Variants in ARHGAP28 observed in about 807,000 individuals in gnomAD.
ARHGAP28 encodes Rho GTPase activating protein 28.
ARHGAP28 carries 56 observed loss-of-function variants against 90.7 expected under a neutral mutation model. The ratio of observed to expected loss-of-function variants is 0.62; its 90% CI spans 0.50 to 0.77. The LOEUF (loss-of-function observed/expected upper bound fraction) is 0.77. ARHGAP28 is among the 30% of genes least tolerant of loss of function. The pLI is 0.00. For missense variants in ARHGAP28, 869 were observed against 900.9 expected (o/e 0.96, Z 0.45); for synonymous variants, 308 against 323.3 (o/e 0.95, Z 0.51).
intron 4 of ARHGAP28, among the ~76,000 whole-genome samples, chr18:6,856,030 A>AAGTGGGCGGAATGAACCC (rs529843682): frequency 6.6e-6 from 1 of 152,216 alleles, no homozygotes; most frequent in East Asian, 1.9e-4. Context: ...CTGCTGGGCC[A>AAGTGGGCGGAATGAACCC]AGTGGGCGGA....
chr18:6,824,979 T>C lies in ARHGAP28; in HGVS notation c.325+15T>C. The C allele has an allele frequency of 6.6e-7, 1 of 1,525,522 alleles. No individual in the cohort carries two copies. Among genetic ancestry groups the C allele is most frequent in the South Asian group, 1.2e-5 (1 of 82,580 alleles). The allele number at this position is 1,525,522 out of a possible 1,614,324, so 94.5% of individuals were successfully genotyped here. On this transcript the variant is annotated intron_variant, in intron 2 of 17. Coordinates refer to ENST00000383472, the MANE Select transcript of ARHGAP28 (RefSeq NM_001366230.1). ...ACCTGTGGATGGTAAGTTGCTGGATTTGTCTTCCTATGTGCTGACTGGCTT... is the reference window on the plus strand; with the variant it reads ...ACCTGTGGATGGTAAGTTGCTGGATCTGTCTTCCTATGTGCTGACTGGCTT...
At chr18:6,864,612 C>T (rs118052457) in intron 5 of ARHGAP28, among the ~76,000 whole-genome samples, 50 of 151,956 alleles carry the variant, frequency 3.3e-4, no homozygotes, top group Non-Finnish European at 5.7e-4. Flanking sequence ...AAAATGTGTG[C>T]GTTATATCTT....
chr18:6,845,782 C>T (rs1290339658), intron 3 of ARHGAP28, among the ~76,000 whole-genome samples: 1 of 152,170 alleles, frequency 6.6e-6, no homozygotes, highest in Non-Finnish European at 1.5e-5. Flanking sequence ...GCATAGTATT[C>T]CATGGTATAT....
intron 14 of ARHGAP28, among the ~76,000 whole-genome samples, chr18:6,892,513 T>C (rs2057274042): frequency 6.6e-6 from 1 of 152,222 alleles, no homozygotes; most frequent in Non-Finnish European, 1.5e-5. Flanking sequence ...AAACTGTTGC[T>C]TTTTCTCCTT....
chr18:6,773,101 T>C (rs2056256769), intron 1 of ARHGAP28, among the ~76,000 whole-genome samples: 1 of 152,226 alleles, frequency 6.6e-6, no homozygotes, highest in Non-Finnish European at 1.5e-5. Flanking sequence ...TGTTTGAGTT[T>C]TACCTTGTGT....
In ARHGAP28 at chr18:6,824,899, G is replaced by T. The variant is rs778147653; in HGVS notation, c.260G>T (p.Ser87Ile). The T allele has an allele frequency of 3.8e-5, 58 of 1,535,976 alleles. No homozygotes were observed. Among genetic ancestry groups the T allele is most frequent in the Non-Finnish European group, 4.4e-5 (50 of 1,146,902 alleles). ...SMEDFWREIE[S>I]IKDSSMGGQE... ...GAGGATTTCTGGCGGGAAATAGAAA[G>T]TATTAAAGACAGCAGCATGGGAGGG... The change falls in exon 2 of 18, where the codon AGT (serine) becomes ATT (isoleucine). Residue 87 changes from serine (S) to isoleucine (I), a missense_variant. By Grantham distance (142) the Ser-to-Ile change is moderately radical (BLOSUM62 -2). Coordinates refer to ENST00000383472, the MANE Select transcript of ARHGAP28 (RefSeq NM_001366230.1).
At chr18:6,841,193 C>CCTCTT (rs1567966720) in intron 3 of ARHGAP28, among the ~76,000 whole-genome samples, 2 of 61,298 alleles carry the variant, frequency 3.3e-5, no homozygotes. Flanking sequence ...CTCTCTCTCT[C>CCTCTT]TCTCTCTCTC....
At chr18:6,835,376 T>A (rs2056745675) in intron 2 of ARHGAP28, among the ~76,000 whole-genome samples, 1 of 152,246 alleles carries the variant, frequency 6.6e-6, no homozygotes. Flanking sequence ...GCTTACTACT[T>A]AGATTACGGC....
chr18:6,828,958 T>C (rs929615533), intron 2 of ARHGAP28, among the ~76,000 whole-genome samples: 17 of 152,234 alleles, frequency 1.1e-4, no homozygotes, highest in African/African-American at 4.1e-4. Flanking sequence ...ACTGAAACTT[T>C]AGAAAGTATT....
At chr18:6,780,437 T>G (rs1028425655) in intron 1 of ARHGAP28, among the ~76,000 whole-genome samples, 1 of 152,168 alleles carries the variant, frequency 6.6e-6, no homozygotes, top group African/African-American at 2.4e-5. Context: ...GTTGGGAGGA[T>G]GTGCTTAAGT....
At chr18:6,855,310 C>A (rs2056944198) in intron 4 of ARHGAP28, among the ~76,000 whole-genome samples, 1 of 152,142 alleles carries the variant, frequency 6.6e-6, no homozygotes, top group Non-Finnish European at 1.5e-5. Flanking sequence ...CCGCCCATGG[C>A]CGCTCATGGA....
intron 1 of ARHGAP28, among the ~76,000 whole-genome samples, chr18:6,743,339 T>C (rs967114772): frequency 6.6e-6 from 1 of 152,202 alleles, no homozygotes; most frequent in Non-Finnish European, 1.5e-5. Flanking sequence ...AACAAGAATA[T>C]TGTCTATTTT....
intron 1 of ARHGAP28, among the ~76,000 whole-genome samples, chr18:6,753,179 A>T (rs933772251): frequency 6.6e-6 from 1 of 152,086 alleles, no homozygotes; most frequent in Non-Finnish European, 1.5e-5. Context: ...TTTATTTTGT[A>T]TTTTTTTAAG....
intron 3 of ARHGAP28, chr18:6,850,742 C>G: frequency 7.1e-7 from 1 of 1,417,058 alleles, no homozygotes; most frequent in Non-Finnish European, 9.4e-7. Context: ...CATCTTGGAG[C>G]AAAATCATGA....
At chr18:6,902,703 C>T (rs1041838895) in intron 16 of ARHGAP28, among the ~76,000 whole-genome samples, 2 of 151,948 alleles carry the variant, frequency 1.3e-5, no homozygotes, top group African/African-American at 4.8e-5. Context: ...TCTTGTGCAC[C>T]ACTGGTGGGA....
intron 1 of ARHGAP28, chr18:6,754,932 G>A (rs2056097224): frequency 6.6e-6 from 1 of 152,264 alleles, no homozygotes; most frequent in Non-Finnish European, 1.5e-5. Context: ...GATCACCTGA[G>A]GTCAGGAGTT....
At chr18:6,811,093 G>C (rs1016005581) in intron 1 of ARHGAP28, among the ~76,000 whole-genome samples, 4 of 150,950 alleles carry the variant, frequency 2.6e-5, no homozygotes, top group African/African-American at 4.9e-5. Context: ...TCAAGAAGGA[G>C]GGCCTATCAG....
chr18:6,855,429 G>T (rs913844853), intron 4 of ARHGAP28, among the ~76,000 whole-genome samples: 2 of 152,152 alleles, frequency 1.3e-5, no homozygotes, highest in Non-Finnish European at 2.9e-5. Flanking sequence ...CCCATTTCAG[G>T]TCTCTTCAGG....
At chr18:6,887,117 G>A (rs1474986421) in intron 11 of ARHGAP28, 40 bp from the exon 12 acceptor site, 9 of 1,559,650 alleles carry the variant, frequency 5.8e-6, no homozygotes, top group Admixed American at 5.0e-5. Flanking sequence ...GATGCATCAG[G>A]GCTATTTAAA....
Sources: allele counts gnomAD v4.1 joint callset (sites outside exome capture counted in the v4.1 genomes callset), GRCh38; gene constraint gnomAD v4.1.1; transcripts MANE v1.5; gene names NCBI Gene and HGNC (gene_info 2026-07-23, HGNC 2026-07-21).